ZNF273: variants seen among roughly 807,000 people sequenced by gnomAD.
ZNF273 encodes the protein zinc finger protein 273, also known as zinc finger protein 9.
A neutral mutation model predicts 14.9 loss-of-function variants in ZNF273; 11 were observed. The observed-to-expected ratio is 0.74, with a 90% confidence interval of 0.46 to 1.22. The LOEUF is 1.22. ZNF273 is among the 50% of genes most tolerant of loss of function. The pLI is 0.00. For synonymous variants in ZNF273, 199 were observed against 223.9 expected (o/e 0.89, Z 0.99); for missense variants, 577 against 660.6 (o/e 0.87, Z 1.39).
At chr7:64,890,199 T>TGG (rs1220439221), downstream of ZNF273, 10 of 29,610 alleles carry the variant, frequency 3.4e-4, no homozygotes, top group South Asian at 2.0e-3. Flanking sequence ...GGTGTGTGTG[T>TGG]GTGTGTGTGT....
At chr7:64,886,952 G>A (rs962304834) in intron 1 of ZNF273, among the ~76,000 whole-genome samples, 3 of 152,174 alleles carry the variant, frequency 2.0e-5, no homozygotes. Flanking sequence ...CCCTTGGCCT[G>A]CACACATTAT....
chr7:64,917,300 C>T (rs1794075234), intron 1 of ZNF273, among the ~76,000 whole-genome samples: 1 of 152,190 alleles, frequency 6.6e-6, no homozygotes, highest in Non-Finnish European at 1.5e-5. Flanking sequence ...GTAAATATAG[C>T]ACTCACAAAT....
rs772369522 is a variant in ZNF273 at position 64,929,336 on chromosome 7, G to C, written c.*298G>C. ...TTTATTTTGAAGAGAAACATTAAAA[G>C]TACAAAGAGGTTTGTAGTACCTTTG... On this transcript the variant is annotated 3_prime_UTR_variant, in exon 4 of 4. Transcript: ENST00000476120. 4.2e-5 allele frequency: 8 copies of C among 191,052 alleles called. No homozygotes were observed. The highest frequency in any genetic ancestry group is 6.4e-5 in the Non-Finnish European group (6 of 93,350). 11.8% of individuals were successfully genotyped at this position (191,052 alleles called of 1,614,324 possible).
At chr7:64,936,548 A>G in the ZNF273 span, among the ~76,000 whole-genome samples, 3 of 152,240 alleles carry the variant, frequency 2.0e-5, no homozygotes, top group Non-Finnish European at 4.4e-5. Context: ...ACTCTGCCTC[A>G]GAAAGGCTTT....
At chr7:64,907,797 C>T (rs781609701) in intron 1 of ZNF273, among the ~76,000 whole-genome samples, 1 of 152,202 alleles carries the variant, frequency 6.6e-6, no homozygotes, top group Non-Finnish European at 1.5e-5. Context: ...TGTACACAGA[C>T]TGTCACACTG....
intron 1 of ZNF273, among the ~76,000 whole-genome samples, chr7:64,907,438 C>G (rs1793196945): frequency 6.6e-6 from 1 of 152,164 alleles, no homozygotes; most frequent in Admixed American, 6.5e-5. Context: ...AACTGGTCAA[C>G]ATAACTACAG....
chr7:64,926,929 G>T (rs1794793286), intron 3 of ZNF273, among the ~76,000 whole-genome samples: 1 of 152,100 alleles, frequency 6.6e-6, no homozygotes, highest in South Asian at 2.1e-4. Flanking sequence ...ATTCACCTTG[G>T]GTCTCAGCTG....
At chr7:64,895,102 A>G (rs1792288964) in intron 3 of ZNF273, among the ~76,000 whole-genome samples, 1 of 152,080 alleles carries the variant, frequency 6.6e-6, no homozygotes. Flanking sequence ...GTGCCGCTGC[A>G]CTCCAGCCTG....
chr7:64,885,359 C>A (rs7797780), intron 1 of ZNF273, among the ~76,000 whole-genome samples: 1 of 152,210 alleles, frequency 6.6e-6, no homozygotes, highest in South Asian at 2.1e-4. Context: ...ATGGATCAGA[C>A]AGAAAACAGA....
At chr7:64,902,627 C>T (rs185105441), upstream of ZNF273, among the ~76,000 whole-genome samples, 2 of 152,232 alleles carry the variant, frequency 1.3e-5, no homozygotes, top group Admixed American at 6.5e-5. Context: ...GCTTGAACCC[C>T]GGAGGGAGGT....
At chr7:64,912,752 T>C (rs1374441586) in intron 1 of ZNF273, among the ~76,000 whole-genome samples, 1 of 151,770 alleles carries the variant, frequency 6.6e-6, no homozygotes, top group African/African-American at 2.4e-5. Flanking sequence ...TTTTCTGCTT[T>C]TTTGAATATA....
At chr7:64,900,003 G>A (rs191271789), upstream of ZNF273, among the ~76,000 whole-genome samples, 198 of 152,126 alleles carry the variant, frequency 1.3e-3, no homozygotes, top group Admixed American at 3.5e-3. Context: ...CATGGGATCC[G>A]CCTGCCTCGG....
At chr7:64,889,650 G>A, downstream of ZNF273, 12 of 985,884 alleles carry the variant, frequency 1.2e-5, no homozygotes, top group Non-Finnish European at 1.3e-5. The surrounding 1 kb of genome is among the most constrained non-coding windows in gnomAD (Gnocchi z 4.2). Context: ...GAGCCGCCTG[G>A]GTCTGTTCTG....
chr7:64,934,341 C>A (rs1795044656), downstream of ZNF273, among the ~76,000 whole-genome samples: 1 of 152,044 alleles, frequency 6.6e-6, no homozygotes, highest in Non-Finnish European at 1.5e-5. Context: ...AATCTGACAT[C>A]AATTTTGCCT....
chr7:64,927,250 C>T (rs143399244), intron 3 of ZNF273, among the ~76,000 whole-genome samples: 4 of 152,158 alleles, frequency 2.6e-5, no homozygotes, highest in Non-Finnish European at 4.4e-5. Context: ...GTGCCACACC[C>T]GGCTAATTTT....
At chr7:64,900,687 C>A (rs912313859), upstream of ZNF273, among the ~76,000 whole-genome samples, 4 of 152,184 alleles carry the variant, frequency 2.6e-5, no homozygotes, top group Non-Finnish European at 5.9e-5. Context: ...GCCAGATTTT[C>A]ACACCTATGC....
chr7:64,933,032 C>T (rs553791104), downstream of ZNF273, among the ~76,000 whole-genome samples: 29 of 152,256 alleles, frequency 1.9e-4, no homozygotes, highest in African/African-American at 6.7e-4. Context: ...AGTGCAGTGG[C>T]GCCATCTCGG....
chr7:64,924,800 C>CA (rs1562964428), intron 3 of ZNF273, among the ~76,000 whole-genome samples: 1 of 141,684 alleles, frequency 7.1e-6, no homozygotes, highest in Non-Finnish European at 1.6e-5. Flanking sequence ...CTGGATTTTT[C>CA]AAATTTTTTT....
chr7:64,917,149 CT>C, intron 1 of ZNF273: 1 of 1,222,182 alleles, frequency 8.2e-7, no homozygotes, highest in Non-Finnish European at 1.1e-6. Context: ...GAAACTCAGA[CT>C]TTATTCCAGA....
Sources: gnomAD v4.1 joint callset for allele counts (sites outside exome capture counted in the v4.1 genomes callset) on GRCh38, gnomAD v4.1.1 for gene constraint, Gnocchi (gnomAD v3.1) non-coding constraint, MANE v1.5 for transcripts, NCBI Gene and HGNC (gene_info 2026-07-23, HGNC 2026-07-21) for gene names.